Variants in ADCY2 observed in about 807,000 individuals in gnomAD.
ADCY2 encodes the protein adenylate cyclase 2, also known as adenylate cyclase type 2.
In ADCY2, 31 loss-of-function variants were observed where a neutral mutation model predicts 125.2. The observed-to-expected ratio is 0.25, with a 90% CI of 0.19 to 0.33. The LOEUF (loss-of-function observed/expected upper bound fraction) is 0.33. ADCY2 is among the 10% of genes least tolerant of loss of function. The pLI is 1.00. For missense variants in ADCY2, 904 were observed against 1,418.2 expected (o/e 0.64, Z 5.82); for synonymous variants, 512 against 548.4 (o/e 0.93, Z 0.93).
intron 2 of ADCY2, among the ~76,000 whole-genome samples, chr5:7,440,943 C>T (rs968001620): frequency 1.3e-5 from 2 of 152,070 alleles, no homozygotes; most frequent in African/African-American, 4.8e-5. Context: ...GCTGTCTCCA[C>T]GTTACAGGTG....
At chr5:7,570,612 T>A (rs1294639900) in intron 3 of ADCY2, among the ~76,000 whole-genome samples, 5 of 95,838 alleles carry the variant, frequency 5.2e-5, no homozygotes, top group South Asian at 3.1e-4. Flanking sequence ...TAAGGAGGAG[T>A]CAAGGGACAA....
chr5:7,506,789 C>CTTTTT lies in ADCY2; in HGVS notation c.409-13924_409-13920dup, dbSNP rs70940743. 6.8e-3 allele frequency among the ~76,000 whole-genome samples: 374 copies of CTTTTT among 55,074 alleles called. 69 individuals carry two copies. Among genetic ancestry groups the CTTTTT allele is most frequent in the Non-Finnish European group, 0.01 (322 of 30,676 alleles). The allele number at this position is 55,074 out of a possible 152,430, so 36.1% of individuals were successfully genotyped here. A position where few individuals can be genotyped will look rare whatever the true frequency, so the allele number is the denominator to read the frequency against. On this transcript the variant is annotated intron_variant, in intron 2 of 24. Coordinates refer to ENST00000338316, the MANE Select transcript of ADCY2 (RefSeq NM_020546.3). ...AGGGGTAAATGTGTGATGCGTTGCT[C>CTTTTT]TTTTTTTTTTTTTTTTTTTTTTTTT...
chr5:7,447,561 C>T (rs1394540631), intron 2 of ADCY2, among the ~76,000 whole-genome samples: 1 of 152,170 alleles, frequency 6.6e-6, no homozygotes, highest in Non-Finnish European at 1.5e-5. Flanking sequence ...TTCTGTTTTT[C>T]AGCTTTGTTT....
At chr5:7,412,673 G>A (rs2126325353) in intron 1 of ADCY2, among the ~76,000 whole-genome samples, 1 of 152,350 alleles carries the variant, frequency 6.6e-6, no homozygotes, top group South Asian at 2.1e-4. Context: ...TGCCAGTTCT[G>A]GAAACACACA....
rs1739057394 is a variant in ADCY2, at chr5:7,396,655, TCTC to T, written c.210+152_210+154del. 8.6e-6 allele frequency: 4 copies of T among 467,714 alleles called. No individual in the cohort carries two copies. Among genetic ancestry groups the T allele is most frequent in the South Asian group, 8.6e-5 (1 of 11,682 alleles). The allele number at this position is 467,714 out of a possible 1,614,324, so 29.0% of individuals were successfully genotyped here. On this transcript the variant is annotated intron_variant, in intron 1 of 24. Transcript: ENST00000338316. This position sits in a 1 kb window ranked among gnomAD's most constrained non-coding sequence, Gnocchi z 5.7. ...GCCCCTCGGCCCGCGGCTCCCTGCT[TCTC>T]CTGCTGGCCCGCGGCCCGGTGGACT...
At chr5:7,444,899 A>G (rs6893375) in intron 2 of ADCY2, among the ~76,000 whole-genome samples, 1,717 of 152,038 alleles carry the variant, frequency 0.011, 31 homozygotes, top group African/African-American at 0.039. Flanking sequence ...GGACATTTGA[A>G]TTTTTTCTCC....
chr5:7,507,959 A>C (rs1255080555), intron 2 of ADCY2, among the ~76,000 whole-genome samples: 1 of 152,122 alleles, frequency 6.6e-6, no homozygotes, highest in Non-Finnish European at 1.5e-5. Context: ...GCCTGCTTAT[A>C]AAATATTTTC....
At chr5:7,516,676 A>G (rs531791337) in intron 2 of ADCY2, among the ~76,000 whole-genome samples, 1 of 152,348 alleles carries the variant, frequency 6.6e-6, no homozygotes, top group South Asian at 2.1e-4. Flanking sequence ...GAAGGAAGAA[A>G]GCAATAGTTA....
intron 4 of ADCY2, among the ~76,000 whole-genome samples, chr5:7,690,197 G>A (rs751661127): frequency 6.6e-6 from 1 of 152,094 alleles, no homozygotes; most frequent in African/African-American, 2.4e-5. Flanking sequence ...AGGATTAGGT[G>A]CTTATAGAGG....
intron 16 of ADCY2, among the ~76,000 whole-genome samples, chr5:7,760,654 T>C (rs1579402526): frequency 6.6e-6 from 1 of 152,232 alleles, no homozygotes; most frequent in Non-Finnish European, 1.5e-5. Context: ...TAAATTTCAG[T>C]TGTGGAACAT....
At chr5:7,435,808 TG>T (rs1176265509) in intron 2 of ADCY2, among the ~76,000 whole-genome samples, 1 of 152,190 alleles carries the variant, frequency 6.6e-6, no homozygotes, top group Non-Finnish European at 1.5e-5. Context: ...ACATCAGACT[TG>T]GGCATTTATA....
intron 1 of ADCY2, among the ~76,000 whole-genome samples, chr5:7,397,488 C>T (rs1222164552): frequency 5.5e-5 from 6 of 109,872 alleles, no homozygotes; most frequent in African/African-American, 1.7e-4. Context: ...AGTGGTTGAT[C>T]TGTGAATGTG....
intron 2 of ADCY2, among the ~76,000 whole-genome samples, chr5:7,510,672 T>A (rs1447938364): frequency 1.3e-5 from 2 of 152,220 alleles, no homozygotes; most frequent in Non-Finnish European, 2.9e-5. Context: ...CCTCCCACTC[T>A]GTCAGTGAAC....
intron 2 of ADCY2, among the ~76,000 whole-genome samples, chr5:7,473,984 A>G (rs77586977): frequency 0.012 from 1,898 of 152,300 alleles, 31 homozygotes; most frequent in African/African-American, 0.044. Context: ...TTCAGCCACA[A>G]ATGAGTCAGT....
At chr5:7,447,642 G>A (rs1369590354) in intron 2 of ADCY2, among the ~76,000 whole-genome samples, 2 of 152,180 alleles carry the variant, frequency 1.3e-5, no homozygotes, top group East Asian at 1.9e-4. Context: ...GAAGCCAGGG[G>A]GTCCTGCACA....
intron 16 of ADCY2, among the ~76,000 whole-genome samples, chr5:7,758,699 G>A (rs866170093): frequency 4.2e-5 from 6 of 143,424 alleles, no homozygotes; most frequent in Non-Finnish European, 9.1e-5. Context: ...ATGAGGAGGT[G>A]AAGGCAGCAA....
At chr5:7,518,622 T>C (rs1744334093) in intron 2 of ADCY2, among the ~76,000 whole-genome samples, 2 of 152,120 alleles carry the variant, frequency 1.3e-5, no homozygotes, top group Non-Finnish European at 2.9e-5. Flanking sequence ...CTTTTAAATA[T>C]AGATTGAATG....
At chr5:7,800,536 C>G (rs1579451532) in intron 20 of ADCY2, 3 of 152,292 alleles carry the variant, frequency 2.0e-5, no homozygotes, top group African/African-American at 7.2e-5. Flanking sequence ...GTGGTGCACA[C>G]CTGTAATACC....
chr5:7,701,501 A>G (rs150992184), intron 7 of ADCY2, among the ~76,000 whole-genome samples: 229 of 152,324 alleles, frequency 1.5e-3, no homozygotes, highest in Non-Finnish European at 3.0e-3. Flanking sequence ...ATGTGTATAT[A>G]AAAATGTACA....
Sources: allele counts gnomAD v4.1 joint callset (sites outside exome capture counted in the v4.1 genomes callset), GRCh38; gene constraint gnomAD v4.1.1; non-coding constraint Gnocchi (gnomAD v3.1); transcripts MANE v1.5; gene names NCBI Gene and HGNC (gene_info 2026-07-23, HGNC 2026-07-21).